CDH10: variants seen among roughly 807,000 people sequenced by gnomAD.
The protein encoded by CDH10 is cadherin 10.
A neutral mutation model predicts 73.1 loss-of-function variants in CDH10; 30 were observed. The observed-to-expected ratio is 0.41, with a 90% CI of 0.31 to 0.56. The LOEUF is 0.56. Ranked by LOEUF, CDH10 falls within the 20% of genes least tolerant of loss-of-function variation. CDH10 has a pLI of 0.27. For missense variants in CDH10, 815 were observed against 973.7 expected (o/e 0.84, Z 2.17); for synonymous variants, 345 against 348.2 (o/e 0.99, Z 0.10).
In CDH10 at chr5:24,554,075, A is replaced by AG. The variant is rs1361292571; in HGVS notation, c.232-16402dup. 55 of 85,932 alleles carry AG rather than the reference A, an allele frequency of 6.4e-4. 1 individual carries two copies. The highest frequency in any genetic ancestry group is 1.0e-3 in the African/African-American group (26 of 24,786). 5.3% of individuals were successfully genotyped at this position (85,932 alleles called of 1,614,324 possible). A position where few individuals can be genotyped will look rare whatever the true frequency, so the allele number is the denominator to read the frequency against. ...GAGCAAGACACAGAGAGAGAGAGAG[A>AG]GAGGAGAGACAGAGAGAGAGAGAAG... On this transcript the variant is annotated intron_variant, in intron 2 of 11. Transcript: ENST00000264463.
intron 2 of CDH10, among the ~76,000 whole-genome samples, chr5:24,557,061 T>G (rs1374779345): frequency 1.3e-5 from 2 of 151,782 alleles, no homozygotes; most frequent in Non-Finnish European, 3.0e-5. Flanking sequence ...GTGCTTAAAG[T>G]CTCTAAAAAA....
chr5:24,488,750 A>G (rs934111877), intron 11 of CDH10, among the ~76,000 whole-genome samples: 3 of 151,902 alleles, frequency 2.0e-5, no homozygotes, highest in South Asian at 2.1e-4. Context: ...ATGAATTTAG[A>G]AATTCCTAAT....
intron 1 of CDH10, among the ~76,000 whole-genome samples, chr5:24,601,563 C>T (rs888949115): frequency 6.6e-6 from 1 of 152,006 alleles, no homozygotes; most frequent in Non-Finnish European, 1.5e-5. Context: ...TACTTAGACA[C>T]ACAAAATAAG....
intron 8 of CDH10, among the ~76,000 whole-genome samples, chr5:24,500,109 T>C (rs1405606112): frequency 1.3e-5 from 2 of 152,216 alleles, no homozygotes; most frequent in African/African-American, 4.8e-5. Context: ...ATCTGACGTC[T>C]TAAGGTAATC....
chr5:24,597,581 C>T (rs1412053150), intron 1 of CDH10, among the ~76,000 whole-genome samples: 2 of 152,010 alleles, frequency 1.3e-5, no homozygotes, highest in African/African-American at 4.8e-5. Context: ...GATAGGATAG[C>T]AATTTTTCTC....
chr5:24,525,244 T>TA (rs780690207), intron 5 of CDH10, among the ~76,000 whole-genome samples: 5 of 152,066 alleles, frequency 3.3e-5, no homozygotes, highest in Non-Finnish European at 7.4e-5. Context: ...TTCAAAGAGA[T>TA]ATAATGTATC....
chr5:24,603,090 A>G (rs1388443189), intron 1 of CDH10, among the ~76,000 whole-genome samples: 1 of 152,224 alleles, frequency 6.6e-6, no homozygotes, highest in Non-Finnish European at 1.5e-5. Flanking sequence ...GGAATCAGAC[A>G]GCCACTAGGG....
At chr5:24,564,090 C>T (rs1174868245) in intron 2 of CDH10, among the ~76,000 whole-genome samples, 1 of 152,066 alleles carries the variant, frequency 6.6e-6, no homozygotes, top group Non-Finnish European at 1.5e-5. Flanking sequence ...ATCTCTGGTT[C>T]CTCTTAGTCA....
intron 2 of CDH10, among the ~76,000 whole-genome samples, chr5:24,577,248 A>G (rs995540427): frequency 6.6e-6 from 1 of 152,114 alleles, no homozygotes; most frequent in Non-Finnish European, 1.5e-5. Flanking sequence ...AACAATGTAT[A>G]CCTATTGGCT....
intron 2 of CDH10, among the ~76,000 whole-genome samples, chr5:24,577,244 G>A (rs1425023862): frequency 6.6e-6 from 1 of 152,048 alleles, no homozygotes; most frequent in East Asian, 1.9e-4. Context: ...TAATAACAAT[G>A]TATACCTATT....
At chr5:24,549,831 C>T (rs750619008) in intron 2 of CDH10, among the ~76,000 whole-genome samples, 32 of 152,108 alleles carry the variant, frequency 2.1e-4, no homozygotes, top group African/African-American at 5.5e-4. Context: ...AGATTACAGG[C>T]GTGAGCCACT....
intron 2 of CDH10, 145 bp downstream of exon 2, chr5:24,593,115 G>T: frequency 1.8e-6 from 1 of 547,138 alleles, no homozygotes; most frequent in South Asian, 2.7e-5. Context: ...TATCAAATTG[G>T]AATTCGTGTT....
At chr5:24,549,878 A>T in intron 2 of CDH10, among the ~76,000 whole-genome samples, 1 of 152,096 alleles carries the variant, frequency 6.6e-6, no homozygotes, top group Non-Finnish European at 1.5e-5. Flanking sequence ...AGCATTGATT[A>T]AAAAAATAAC....
intron 2 of CDH10, among the ~76,000 whole-genome samples, chr5:24,546,013 G>A (rs1744324208): frequency 1.3e-5 from 2 of 152,086 alleles, no homozygotes; most frequent in Non-Finnish European, 2.9e-5. Flanking sequence ...ATACCTGACT[G>A]GATTCCTGAA....
chr5:24,626,845 T>A (rs921508702), intron 1 of CDH10, among the ~76,000 whole-genome samples: 1 of 142,322 alleles, frequency 7.0e-6, no homozygotes, highest in Non-Finnish European at 1.5e-5. Flanking sequence ...AGTGTATATA[T>A]ATATAAGTGT....
At chr5:24,569,817 C>G (rs1234226279) in intron 2 of CDH10, among the ~76,000 whole-genome samples, 1 of 151,464 alleles carries the variant, frequency 6.6e-6, no homozygotes, top group Non-Finnish European at 1.5e-5. Context: ...GGCTGGAGTG[C>G]AGTGGCGTGA....
intron 8 of CDH10, among the ~76,000 whole-genome samples, chr5:24,500,173 T>C (rs561412289): frequency 3.7e-4 from 57 of 152,278 alleles, no homozygotes; most frequent in Admixed American, 7.2e-4. Flanking sequence ...AAATAGGAAG[T>C]ATATTACTAC....
chr5:24,622,589 T>C, intron 1 of CDH10, among the ~76,000 whole-genome samples: 1 of 152,176 alleles, frequency 6.6e-6, no homozygotes, highest in South Asian at 2.1e-4. Context: ...GTGATAATCA[T>C]GAGGCAGTTA....
chr5:24,631,334 T>C (rs1263501461), intron 1 of CDH10, among the ~76,000 whole-genome samples: 1 of 152,144 alleles, frequency 6.6e-6, no homozygotes, highest in African/African-American at 2.4e-5. Context: ...GGTCTGAATA[T>C]GGCTTATTTT....
Sources: gnomAD v4.1 joint callset for allele counts (sites outside exome capture counted in the v4.1 genomes callset) on GRCh38, gnomAD v4.1.1 for gene constraint, MANE v1.5 for transcripts, NCBI Gene and HGNC (gene_info 2026-07-23, HGNC 2026-07-21) for gene names.